BICDL1: variants seen among roughly 807,000 people sequenced by gnomAD.
BICDL1 encodes BICD family like cargo adaptor 1.
BICDL1 carries 20 observed loss-of-function variants against 76.8 expected under a neutral mutation model. That is an observed-to-expected ratio of 0.26 (90% confidence interval 0.18 to 0.38). The LOEUF is 0.38. Among genes scored for constraint, BICDL1 ranks in the 10% least tolerant of loss-of-function variants. The pLI, the probability that BICDL1 is intolerant of heterozygous loss-of-function variation, is 1.00. For missense variants in BICDL1, 700 were observed against 798.6 expected, an observed-to-expected ratio of 0.88 and a Z score of 1.49; for synonymous variants, 383 against 337.1, an observed-to-expected ratio of 1.14 and a Z score of -1.49.
chr12:120,043,115 G>T (rs1347494254), intron 2 of BICDL1, among the ~76,000 whole-genome samples: 1 of 152,202 alleles, frequency 6.6e-6, no homozygotes, highest in Non-Finnish European at 1.5e-5. Flanking sequence ...ATGAAATGGG[G>T]TTAACAATGC....
Position 120,078,228 on chromosome 12 carries a change from C to T in BICDL1, c.1453-2659C>T, listed in dbSNP as rs544044426. Among the ~76,000 whole-genome samples the T allele has an allele frequency of 5.3e-5, 8 of 152,342 alleles. No individual in the cohort carries two copies. The South Asian group carries it at 1.4e-3, about 28-fold the overall frequency. ...CTTGTCACAGTTACCCTGCTCACAT[C>T]TCATCTTCTCAGTCAAACCCTAGAC... On this transcript the variant is annotated intron_variant, in intron 7 of 9. Transcript: ENST00000548673.
chr12:120,042,037 G>T (rs1017702773), intron 2 of BICDL1, among the ~76,000 whole-genome samples: 5 of 152,034 alleles, frequency 3.3e-5, no homozygotes, highest in African/African-American at 9.7e-5. Flanking sequence ...GAGGGCAAGG[G>T]TAGGAGCAGG....
At chr12:120,051,499 T>C (rs1209536923) in intron 2 of BICDL1, among the ~76,000 whole-genome samples, 1 of 152,142 alleles carries the variant, frequency 6.6e-6, no homozygotes, top group African/African-American at 2.4e-5. Flanking sequence ...TGTTTGTTTT[T>C]AATTTTTTTT....
intron 2 of BICDL1, among the ~76,000 whole-genome samples, chr12:120,024,919 C>G (rs184925867): frequency 9.9e-5 from 15 of 152,256 alleles, no homozygotes; most frequent in Admixed American, 6.5e-4. Context: ...CTCAAATGAT[C>G]TTCCCGCCTT....
rs762432766 is a variant in BICDL1 at position 120,072,738 on chromosome 12, C to G, written c.1308+9C>G. 1.9e-6 allele frequency: 3 copies of G among 1,609,264 alleles called. No individual in the cohort carries two copies. Among genetic ancestry groups the G allele is most frequent in the Admixed American group, 3.3e-5 (2 of 60,006 alleles). ...ATGGCATGGAGCCCACGGTAAGAGGCCAGTCTGAGATGGTCCTTACCCCAC... is the reference window on the plus strand; with the variant it reads ...ATGGCATGGAGCCCACGGTAAGAGGGCAGTCTGAGATGGTCCTTACCCCAC... On this transcript the variant is annotated intron_variant, in intron 6 of 9. Coordinates refer to ENST00000548673, the MANE Select transcript of BICDL1 (RefSeq NM_001367886.1).
chr12:120,075,004 C>G (rs555830186), intron 7 of BICDL1, among the ~76,000 whole-genome samples: 2 of 152,352 alleles, frequency 1.3e-5, no homozygotes, highest in Admixed American at 1.3e-4. Context: ...TCAGCCTGTT[C>G]TTCTGCTTTA....
chr12:119,998,141 C>T (rs967771748), intron 1 of BICDL1, among the ~76,000 whole-genome samples: 4 of 151,910 alleles, frequency 2.6e-5, no homozygotes, highest in Non-Finnish European at 5.9e-5. Context: ...AGCAAGACTC[C>T]ATCTCAAAAA....
At chr12:120,028,542 G>A (rs1387840123) in intron 2 of BICDL1, among the ~76,000 whole-genome samples, 1 of 152,122 alleles carries the variant, frequency 6.6e-6, no homozygotes, top group Non-Finnish European at 1.5e-5. Context: ...CGGGCGTGGT[G>A]GCAGGCGCCT....
Position 119,989,764 on chromosome 12 carries a change from C to T in BICDL1, c.-105C>T. 1 of 388,624 alleles carries T rather than the reference C, an allele frequency of 2.6e-6. No homozygotes were observed. Among genetic ancestry groups the T allele is most frequent in the Non-Finnish European group, 3.5e-6 (1 of 289,336 alleles). 24.1% of individuals were successfully genotyped at this position (388,624 alleles called of 1,614,324 possible). A position where few individuals can be genotyped will look rare whatever the true frequency, so the allele number is the denominator to read the frequency against. On this transcript the variant is annotated 5_prime_UTR_variant, in exon 1 of 10. Coordinates refer to ENST00000548673, the MANE Select transcript of BICDL1 (RefSeq NM_001367886.1). Reference sequence around the variant, plus strand: ...GGACCCGGGGGCGCGTGCCGCGGCGCGAGGCGAGGCGCGGGACGCGGGGCG... The same window carrying T: ...GGACCCGGGGGCGCGTGCCGCGGCGTGAGGCGAGGCGCGGGACGCGGGGCG...
intron 2 of BICDL1, among the ~76,000 whole-genome samples, chr12:120,051,070 C>T (rs997484196): frequency 5.3e-5 from 8 of 151,276 alleles, no homozygotes; most frequent in African/African-American, 1.2e-4. Context: ...CTTGCTCTGT[C>T]GCCCAGAGCT....
At chr12:120,012,038 C>CG (rs1951964169) in intron 2 of BICDL1, among the ~76,000 whole-genome samples, 1 of 152,200 alleles carries the variant, frequency 6.6e-6, no homozygotes, top group Non-Finnish European at 1.5e-5. Context: ...GAGAGATAGT[C>CG]TCACATGATG....
chr12:120,089,271 CGTGTGTGTGTGTGTGTGTAT>C (rs1332178136), intron 8 of BICDL1, among the ~76,000 whole-genome samples: 38 of 146,718 alleles, frequency 2.6e-4, no homozygotes, highest in Non-Finnish European at 4.0e-4. Context: ...CCTTTTTCAA[CGTGTGTGTGTGTGTGTGTAT>C]GTGTGTGTGT....
intron 5 of BICDL1, among the ~76,000 whole-genome samples, chr12:120,072,026 A>G (rs1319651395): frequency 1.3e-5 from 2 of 152,256 alleles, no homozygotes; most frequent in African/African-American, 4.8e-5. Flanking sequence ...CAGAATTGCT[A>G]GAGGACAGAG....
intron 2 of BICDL1, among the ~76,000 whole-genome samples, chr12:120,046,835 T>C (rs759591513): frequency 5.9e-5 from 9 of 152,190 alleles, no homozygotes; most frequent in Non-Finnish European, 1.3e-4. Context: ...TGGGGCCTGT[T>C]TTATTATGAG....
chr12:120,033,664 G>A (rs899257138), intron 2 of BICDL1, among the ~76,000 whole-genome samples: 3 of 152,296 alleles, frequency 2.0e-5, no homozygotes, highest in Non-Finnish European at 4.4e-5. Context: ...TGGGATTACA[G>A]GCATGAGCCA....
intron 3 of BICDL1, among the ~76,000 whole-genome samples, chr12:120,064,478 C>T (rs956895074): frequency 6.6e-6 from 1 of 151,778 alleles, no homozygotes; most frequent in Non-Finnish European, 1.5e-5. Flanking sequence ...CTAGCCTTCC[C>T]TTCCTCTGCC....
chr12:119,999,062 G>GAA (rs10658480), intron 2 of BICDL1, among the ~76,000 whole-genome samples: 2,433 of 95,206 alleles, frequency 0.026, 120 homozygotes, highest in African/African-American at 0.089. Flanking sequence ...GCCTGTCTCG[G>GAA]AAAAAAAAAA....
Position 120,008,946 on chromosome 12 carries a change from GT to G in BICDL1, c.645+10226del, listed in dbSNP as rs557926360. On this transcript the variant is annotated intron_variant, in intron 2 of 9. Coordinates refer to ENST00000548673, the MANE Select transcript of BICDL1 (RefSeq NM_001367886.1). ...TTGCTTATTCTTCCGGCATAGAGGT[GT>G]TTTTTTTTTTTTTTTGGTAGATTCT... Among the ~76,000 whole-genome samples, 838 of 131,578 alleles carry G rather than the reference GT, an allele frequency of 6.4e-3. 6 individuals carry two copies. The highest frequency in any genetic ancestry group is 0.014 in the African/African-American group (513 of 35,958). The allele number at this position is 131,578 out of a possible 152,430, so 86.3% of individuals were successfully genotyped here.
rs377200199 is a variant in BICDL1 at position 120,057,969 on chromosome 12, C to T, written c.646-3741C>T. On this transcript the variant is annotated intron_variant, in intron 2 of 9. Coordinates refer to ENST00000548673, the MANE Select transcript of BICDL1 (RefSeq NM_001367886.1). The stretch of plus-strand genomic sequence containing the variant: ...CCTCAGCCTCCCGAATAGCTGGGAC[C>T]ACAGGCGCCCGCCACCACGCCTGGA... Among the ~76,000 whole-genome samples the T allele has an allele frequency of 2.6e-5, 4 of 151,782 alleles. No homozygotes were observed. In the East Asian group the frequency reaches 5.8e-4, roughly 22 times the overall value.
Sources: allele counts gnomAD v4.1 joint callset (sites outside exome capture counted in the v4.1 genomes callset), GRCh38; gene constraint gnomAD v4.1.1; transcripts MANE v1.5; gene names NCBI Gene and HGNC (gene_info 2026-07-23, HGNC 2026-07-21).